The following MPHOSPH8 variants were observed in gnomAD, a reference collection of about 807,000 sequenced individuals.
The protein encoded by MPHOSPH8 is M-phase phosphoprotein, mpp.
In MPHOSPH8, 45 loss-of-function variants were observed where a neutral mutation model predicts 87.3. That is an observed-to-expected ratio of 0.52 (90% CI 0.41 to 0.66). The LOEUF is 0.66. Among genes scored for constraint, MPHOSPH8 ranks in the 30% least tolerant of loss-of-function variants. MPHOSPH8 has a pLI of 0.00. For missense variants in MPHOSPH8, 883 were observed against 1,020.2 expected, an observed-to-expected ratio of 0.87 and a Z score of 1.83; for synonymous variants, 366 against 376.9, an observed-to-expected ratio of 0.97 and a Z score of 0.33.
intron 11 of MPHOSPH8, among the ~76,000 whole-genome samples, chr13:19,669,567 G>A (rs888953445): frequency 3.4e-5 from 5 of 149,186 alleles, no homozygotes; most frequent in African/African-American, 1.2e-4. Context: ...GGAGTGCAGT[G>A]GTGCGATCTC....
At chr13:19,636,394 C>T (rs1165906158) in intron 1 of MPHOSPH8, among the ~76,000 whole-genome samples, 1 of 152,144 alleles carries the variant, frequency 6.6e-6, no homozygotes, top group Admixed American at 6.5e-5. Context: ...TGTGGAAATA[C>T]ATACATACAC....
chr13:19,671,561 G>T (rs1325991138), intron 13 of MPHOSPH8, among the ~76,000 whole-genome samples: 1 of 152,192 alleles, frequency 6.6e-6, no homozygotes, highest in Non-Finnish European at 1.5e-5. Context: ...GTATGGAGTT[G>T]CCAAATGTAT....
At chr13:19,668,969 C>T (rs1244781658) in intron 11 of MPHOSPH8, among the ~76,000 whole-genome samples, 1 of 152,140 alleles carries the variant, frequency 6.6e-6, no homozygotes, top group Non-Finnish European at 1.5e-5. Context: ...GGCAGGGCTG[C>T]GGCTGGCCCT....
intron 11 of MPHOSPH8, 45 bp from the exon 12 acceptor site, chr13:19,670,191 T>C (rs1253249193): frequency 1.2e-6 from 2 of 1,611,736 alleles, no homozygotes; most frequent in Non-Finnish European, 1.7e-6. Context: ...CTCTGGGGAC[T>C]GAAGGTTGCC....
rs201170839 is a variant in MPHOSPH8 at position 19,639,082 on chromosome 13, C to CAA, written c.214-3017_214-3016dup. On this transcript the variant is annotated intron_variant, in intron 1 of 13. Coordinates refer to ENST00000361479, the MANE Select transcript of MPHOSPH8 (RefSeq NM_017520.4). ...TGGGCAACAGAGCGAGACTCCGTCTCAAAAAAAAAAAAAAAAATTTACCAT... is the reference window on the plus strand; with the variant it reads ...TGGGCAACAGAGCGAGACTCCGTCTCAAAAAAAAAAAAAAAAAAATTTACCAT... Among the ~76,000 whole-genome samples, 468 of 132,970 alleles carry CAA rather than the reference C, an allele frequency of 3.5e-3. 4 individuals are homozygous for CAA. Among genetic ancestry groups the CAA allele is most frequent in the Middle Eastern group, 0.011 (3 of 264 alleles). 87.2% of individuals were successfully genotyped at this position (132,970 alleles called of 152,430 possible).
Position 19,647,075 on chromosome 13 carries a change from C to A in MPHOSPH8, c.1002C>A (p.Thr334=), listed in dbSNP as rs750116657. The part of the protein sequence containing the change: ...TDVRGRRKKK[T]PRKAEDTREN... ...TCAGAGGCAGGAGGAAAAAGAAGAC[C>A]CCGAGAAAGGCTGAGGACACTAGAG... The change falls in exon 3 of 14, where the codon ACC becomes ACA. Residue 334 remains threonine, a synonymous_variant. Transcript: ENST00000361479. 1 of 1,607,146 alleles carries A rather than the reference C, an allele frequency of 6.2e-7. No individual in the cohort carries two copies. The highest frequency in any genetic ancestry group is 8.5e-7 in the Non-Finnish European group (1 of 1,178,320).
At chr13:19,654,347 G>A (rs1002610070) in intron 5 of MPHOSPH8, among the ~76,000 whole-genome samples, 1 of 152,146 alleles carries the variant, frequency 6.6e-6, no homozygotes, top group Non-Finnish European at 1.5e-5. Flanking sequence ...GGCTCCGGGA[G>A]GGATAGCATT....
intron 9 of MPHOSPH8, 54 bp from the exon 10 acceptor site, chr13:19,666,371 A>C: frequency 6.5e-7 from 1 of 1,538,952 alleles, no homozygotes; most frequent in Middle Eastern, 1.7e-4. Flanking sequence ...AGGGACCAGC[A>C]CCCATGCCAC....
intron 9 of MPHOSPH8, among the ~76,000 whole-genome samples, chr13:19,664,950 G>A (rs943015123): frequency 6.6e-6 from 1 of 152,142 alleles, no homozygotes; most frequent in Non-Finnish European, 1.5e-5. Flanking sequence ...GAGCCTGCGT[G>A]GGGAGAAGCA....
At chr13:19,639,534 C>T (rs969453079) in intron 1 of MPHOSPH8, among the ~76,000 whole-genome samples, 1 of 152,006 alleles carries the variant, frequency 6.6e-6, no homozygotes, top group Non-Finnish European at 1.5e-5. Flanking sequence ...TGGTCTCAAA[C>T]GCCTGACCTC....
At chr13:19,656,306 G>A (rs896654361) in intron 5 of MPHOSPH8, among the ~76,000 whole-genome samples, 49 of 139,624 alleles carry the variant, frequency 3.5e-4, no homozygotes, top group Non-Finnish European at 6.0e-4. Context: ...AAAAACTGTC[G>A]TCATCAGATT....
In MPHOSPH8 at chr13:19,648,441, A is replaced by G. The variant is rs1436907641; in HGVS notation, c.1238A>G (p.Asn413Ser). 1 of 1,594,174 alleles carries G rather than the reference A, an allele frequency of 6.3e-7. No individual in the cohort carries two copies. The highest frequency in any genetic ancestry group is 1.8e-5 in the Admixed American group (1 of 56,892). ...SAEEDKETKR[N>S]ESKEKYQKRH... ...TTTCAGGACAAAGAAACCAAAAGAA[A>G]TGAATCCAAAGAAAAATATCAGAAA... is the stretch of plus-strand genomic sequence containing the variant. Residue 413 changes from asparagine (N) to serine (S), a missense_variant, in exon 4 of 14, where the codon AAT (asparagine) becomes AGT (serine). Around this residue, in one of 3 missense-constraint regions of MPHOSPH8, gnomAD observed 741 missense variants for 841.5 expected, o/e 0.88. Transcript: ENST00000361479.
chr13:19,666,505 G>C lies in MPHOSPH8; in HGVS notation c.2100G>C (p.Gln700His), dbSNP rs375707927. ...GADCNILSKHQNSALHFAKQS... is the reference protein window; with the variant it reads ...GADCNILSKHHNSALHFAKQS... The stretch of plus-strand genomic sequence containing the variant: ...ACTGCAATATTTTGTCAAAGCACCA[G>C]AATAGTGCCCTGCACTTTGCGAAGC... The change falls in exon 10 of 14, where the codon CAG becomes CAC. Residue 700 changes from glutamine (Q) to histidine (H), a missense_variant. Physicochemically the swap from Gln to His is conservative, Grantham distance 24. Around this residue, in one of 3 missense-constraint regions of MPHOSPH8, gnomAD observed 741 missense variants for 841.5 expected, o/e 0.88. Transcript: ENST00000361479. The C allele has an allele frequency of 3.1e-6, 5 of 1,611,480 alleles. No individual in the cohort carries two copies. In the African/African-American group the frequency reaches 6.7e-5, roughly 22 times the overall value.
intron 5 of MPHOSPH8, among the ~76,000 whole-genome samples, chr13:19,656,492 G>T (rs984920965): frequency 2.6e-5 from 4 of 152,134 alleles, no homozygotes; most frequent in Admixed American, 6.5e-5. Flanking sequence ...GGGCGCGGTG[G>T]CTCACACCTA....
At chr13:19,671,129 T>G in intron 12 of MPHOSPH8, 77 bp from the exon 13 acceptor site, 1 of 1,548,632 alleles carries the variant, frequency 6.5e-7, no homozygotes, top group Non-Finnish European at 8.7e-7. Context: ...TTTATGATTC[T>G]TTTACATCAT....
intron 7 of MPHOSPH8, among the ~76,000 whole-genome samples, chr13:19,660,759 T>G (rs1187513144): frequency 2.6e-5 from 4 of 152,216 alleles, no homozygotes; most frequent in Non-Finnish European, 4.4e-5. Context: ...TTATTGCTTG[T>G]CGATGGTAAA....
chr13:19,657,408 C>CT (rs113337674), intron 5 of MPHOSPH8, among the ~76,000 whole-genome samples: 145 of 141,920 alleles, frequency 1.0e-3, no homozygotes, highest in Middle Eastern at 3.6e-3. Flanking sequence ...AAAAAAATAG[C>CT]TTTTTTTTTT....
chr13:19,634,014 G>A, intron 1 of MPHOSPH8, 53 bp downstream of exon 1: 1 of 1,559,162 alleles, frequency 6.4e-7, no homozygotes. Flanking sequence ...GGGCCTGGCG[G>A]GGAGGACGCG....
intron 1 of MPHOSPH8, among the ~76,000 whole-genome samples, chr13:19,634,698 G>A (rs1034825226): frequency 6.6e-6 from 1 of 152,054 alleles, no homozygotes; most frequent in Non-Finnish European, 1.5e-5. Context: ...TTTACTTTTT[G>A]TATTGACCTC....
Sources: allele counts gnomAD v4.1 joint callset (sites outside exome capture counted in the v4.1 genomes callset), GRCh38; gene constraint gnomAD v4.1.1; regional missense constraint gnomAD v4.1.1; transcripts MANE v1.5; gene names NCBI Gene and HGNC (gene_info 2026-07-23, HGNC 2026-07-21).